The following PRDM15 variants were observed in gnomAD, a reference collection of about 807,000 sequenced individuals.
PRDM15 encodes the protein PR domain zinc finger protein 15.
A neutral mutation model predicts 128.6 loss-of-function variants in PRDM15; 64 were observed. The observed-to-expected ratio is 0.50, with a 90% CI of 0.41 to 0.61. PRDM15 has a LOEUF of 0.61. PRDM15 is among the 20% of genes least tolerant of loss of function. The pLI, the probability that PRDM15 is intolerant of heterozygous loss-of-function variation, is 0.00. For missense variants in PRDM15, 1,242 were observed against 1,569.1 expected (o/e 0.79, Z 3.52); for synonymous variants, 615 against 621.8 (o/e 0.99, Z 0.16).
Position 41,846,230 on chromosome 21 carries a change from T to C in PRDM15, c.640+860A>G, listed in dbSNP as rs146566752. On this transcript the variant is annotated intron_variant, in intron 6 of 23. Coordinates refer to ENST00000398548, the MANE Select transcript of PRDM15 (RefSeq NM_001040424.3). Reference sequence around the variant, plus strand: ...AATGCCACAAACTGTTTCTACGTGATTCCCCCATGGTTTATTTGATGCGAG... The same window carrying C: ...AATGCCACAAACTGTTTCTACGTGACTCCCCCATGGTTTATTTGATGCGAG... 2.2e-3 allele frequency among the ~76,000 whole-genome samples: 328 copies of C among 152,326 alleles called. 7 individuals are homozygous for C. Among genetic ancestry groups the C allele is most frequent in the East Asian group, 0.019 (101 of 5,182 alleles).
At chr21:41,838,971 C>T (rs980281493) in intron 7 of PRDM15, among the ~76,000 whole-genome samples, 2 of 152,248 alleles carry the variant, frequency 1.3e-5, no homozygotes, top group Non-Finnish European at 2.9e-5. Context: ...ATCTCATCCT[C>T]ACTGTGAGGC....
Position 41,874,523 on chromosome 21 carries a change from A to ATT in PRDM15, c.-10+4746_-10+4747insAA, listed in dbSNP as rs879505958. ...CATGCATATATATATATATATATAT[A>ATT]TATTTTTTTTTTTTTTTGAAACTTA... On this transcript the variant is annotated intron_variant, in intron 1 of 23. Coordinates refer to ENST00000398548, the MANE Select transcript of PRDM15 (RefSeq NM_001040424.3). Among the ~76,000 whole-genome samples the ATT allele has an allele frequency of 9.6e-3, 752 of 78,686 alleles. 10 individuals carry two copies. The highest frequency in any genetic ancestry group is 0.042 in the Middle Eastern group (4 of 96). 51.6% of individuals were successfully genotyped at this position (78,686 alleles called of 152,430 possible). A position where few individuals can be genotyped will look rare whatever the true frequency, so the allele number is the denominator to read the frequency against.
chr21:41,853,399 G>A lies in PRDM15; in HGVS notation c.538+1167C>T, dbSNP rs774441341. ...GAGAATCAGGTCATTTGGGAGGGGG[G>A]TCAGGAGAGTCAATATCTATTTCGC... On this transcript the variant is annotated intron_variant, in intron 5 of 23. Transcript: ENST00000398548. Among the ~76,000 whole-genome samples the A allele has an allele frequency of 2.0e-5, 3 of 152,176 alleles. No homozygotes were observed. The South Asian group carries it at 6.2e-4, about 32-fold the overall frequency.
intron 21 of PRDM15, among the ~76,000 whole-genome samples, chr21:41,806,156 TCAC>T (rs2061589060): frequency 2.5e-4 from 1 of 4,046 alleles, no homozygotes; most frequent in Non-Finnish European, 4.4e-4. Flanking sequence ...ACCACCACCA[TCAC>T]CATCACCACC....
chr21:41,828,229 C>A lies in PRDM15; in HGVS notation c.1471G>T (p.Val491Phe). 6.2e-7 allele frequency: 1 copy of A among 1,614,066 alleles called. No homozygotes were observed. The highest frequency in any genetic ancestry group is 8.5e-7 in the Non-Finnish European group (1 of 1,179,988). ...TTGCGGTAGAACATCTTGCTGCAGA[C>A]CTCACAGGCAAACTTCTTGTCGCCG... ...KHGDKKFACE[V>F]CSKMFYRKDV... The change falls in exon 12 of 24, where the codon GTC (valine) becomes TTC (phenylalanine). Residue 491 changes from valine (V) to phenylalanine (F), a missense_variant. By Grantham distance (50) the Val-to-Phe change is conservative. Transcript: ENST00000398548. This position sits in a 1 kb window ranked among gnomAD's most constrained non-coding sequence, Gnocchi z 5.7.
intron 1 of PRDM15, among the ~76,000 whole-genome samples, chr21:41,868,434 A>C (rs1296007952): frequency 1.3e-5 from 2 of 151,942 alleles, no homozygotes; most frequent in African/African-American, 4.8e-5. Flanking sequence ...AGGCTGCAGC[A>C]CTTTGCACCT....
At chr21:41,858,618 G>C (rs2063714896) in intron 3 of PRDM15, among the ~76,000 whole-genome samples, 1 of 152,234 alleles carries the variant, frequency 6.6e-6, no homozygotes, top group South Asian at 2.1e-4. Context: ...GCGGACATGA[G>C]GTGCCCAGAG....
rs1401006328 is a variant in PRDM15, at chr21:41,859,291, A to C, written c.131+301T>G. The C allele has an allele frequency of 4.0e-6, 6 of 1,503,102 alleles. No individual in the cohort carries two copies. In the South Asian group the frequency reaches 4.7e-5, roughly 12 times the overall value. 93.1% of individuals were successfully genotyped at this position (1,503,102 alleles called of 1,614,324 possible). On this transcript the variant is annotated intron_variant, in intron 3 of 23. Coordinates refer to ENST00000398548, the MANE Select transcript of PRDM15 (RefSeq NM_001040424.3). This position sits in a 1 kb window ranked among gnomAD's most constrained non-coding sequence, Gnocchi z 5.3. ...CTTGGCTGCTGGTGCTCAGCACGTC[A>C]ACCACCTTGGCAAGTCCACTCTTCT...
At chr21:41,865,469 G>T (rs747196118) in intron 1 of PRDM15, among the ~76,000 whole-genome samples, 1 of 152,058 alleles carries the variant, frequency 6.6e-6, no homozygotes, top group South Asian at 2.1e-4. Flanking sequence ...ACAGGTCAAC[G>T]TCTGATAAGA....
Position 41,820,224 on chromosome 21 carries a change from G to A in PRDM15, c.2061-50C>T, listed in dbSNP as rs77725856. 2,466 of 1,430,222 alleles carry A rather than the reference G, an allele frequency of 1.7e-3. 58 individuals carry two copies. The East Asian group carries it at 0.048, about 28-fold the overall frequency. The allele number at this position is 1,430,222 out of a possible 1,614,324, so 88.6% of individuals were successfully genotyped here. ...TGGCCGCACAGCCTCGGGGCTCCAC[G>A]GCAGCGAGGGCACTTTCCCCAGCAC... On this transcript the variant is annotated intron_variant, in intron 16 of 23. Coordinates refer to ENST00000398548, the MANE Select transcript of PRDM15 (RefSeq NM_001040424.3).
intron 17 of PRDM15, 30 bp downstream of exon 17, chr21:41,820,065 C>T (rs2062199975): frequency 6.2e-7 from 1 of 1,600,160 alleles, no homozygotes; most frequent in Non-Finnish European, 8.6e-7. Context: ...CCAGCGAGGG[C>T]CGGGACCCCA....
At chr21:41,833,512 A>G (rs1038491837) in intron 11 of PRDM15, among the ~76,000 whole-genome samples, 12 of 152,336 alleles carry the variant, frequency 7.9e-5, no homozygotes, top group Admixed American at 7.2e-4. Context: ...TCTTGGTTTA[A>G]TTGTCTAAGG....
chr21:41,874,607 ACT>A (rs2064344541), intron 1 of PRDM15: 1 of 150,056 alleles, frequency 6.7e-6, no homozygotes, highest in South Asian at 2.1e-4. Flanking sequence ...TCAAAAGCAG[ACT>A]CTGGTCCAGT....
chr21:41,801,976 T>G (rs115160660), intron 23 of PRDM15, among the ~76,000 whole-genome samples: 2 of 152,116 alleles, frequency 1.3e-5, no homozygotes, highest in African/African-American at 4.8e-5. Flanking sequence ...TAGAAAAAAG[T>G]AAGCACGAAA....
At position 41,820,639 on chromosome 21, in the gene PRDM15, CTGT is replaced by C. The variant is rs1568920149; in HGVS notation, c.2060+425_2060+427del. 5.9e-5 allele frequency among the ~76,000 whole-genome samples: 9 copies of C among 152,308 alleles called. No homozygotes were observed. In the South Asian group the frequency reaches 1.9e-3, roughly 32 times the overall value. On this transcript the variant is annotated intron_variant, in intron 16 of 23. Transcript: ENST00000398548. Reference sequence around the variant, plus strand: ...CTCCAGGACTGAAGATGGTAAGTGTCTGTTGTTTAGGCTGTGCCGGCTGTGGTT... The same window carrying C: ...CTCCAGGACTGAAGATGGTAAGTGTCTGTTTAGGCTGTGCCGGCTGTGGTT...
Position 41,859,329 on chromosome 21 carries a change from C to A in PRDM15, c.131+263G>T. On this transcript the variant is annotated intron_variant, in intron 3 of 23. Coordinates refer to ENST00000398548, the MANE Select transcript of PRDM15 (RefSeq NM_001040424.3). This position sits in a 1 kb window ranked among gnomAD's most constrained non-coding sequence, Gnocchi z 5.3. ...AGTCCACTCTTCTGCAGCCTCCACA[C>A]ACTGTGTCGGGAACAGCTGGGCTCC... The A allele has an allele frequency of 9.0e-7, 1 of 1,115,266 alleles. No individual in the cohort carries two copies. Among genetic ancestry groups the A allele is most frequent in the Non-Finnish European group, 1.3e-6 (1 of 760,868 alleles). 69.1% of individuals were successfully genotyped at this position (1,115,266 alleles called of 1,614,324 possible).
chr21:41,838,410 CAG>C (rs1403603157), intron 7 of PRDM15, among the ~76,000 whole-genome samples: 3 of 152,190 alleles, frequency 2.0e-5, no homozygotes, highest in East Asian at 1.9e-4. Flanking sequence ...TCAATTCTGA[CAG>C]AGTTTTAGAA....
chr21:41,808,434 C>T (rs868670514), intron 21 of PRDM15, among the ~76,000 whole-genome samples: 1 of 152,212 alleles, frequency 6.6e-6, no homozygotes, highest in African/African-American at 2.4e-5. Context: ...GGAGCCTGAT[C>T]GGGCTGCAGA....
chr21:41,819,786 C>G, intron 17 of PRDM15, 85 bp from the exon 18 acceptor site: 1 of 1,498,740 alleles, frequency 6.7e-7, no homozygotes, highest in Admixed American at 2.0e-5. Flanking sequence ...GAGAGGGGCC[C>G]AGCCTCCCCA....
Sources: allele counts gnomAD v4.1 joint callset (sites outside exome capture counted in the v4.1 genomes callset), GRCh38; gene constraint gnomAD v4.1.1; non-coding constraint Gnocchi (gnomAD v3.1); transcripts MANE v1.5; gene names NCBI Gene and HGNC (gene_info 2026-07-23, HGNC 2026-07-21).